The following ODAD2 variants were observed in gnomAD, a reference collection of about 807,000 sequenced individuals.
ODAD2 encodes outer dynein arm docking complex subunit 2, also known as outer dynein arm-docking complex subunit 2.
In ODAD2, 89 loss-of-function variants were observed where a neutral mutation model predicts 106.8. That is an observed-to-expected ratio of 0.83 (90% CI 0.70 to 0.99). The LOEUF (loss-of-function observed/expected upper bound fraction) is 0.99. Among genes scored for constraint, ODAD2 ranks in the 50% least tolerant of loss-of-function variants. The pLI is 0.00. For missense variants in ODAD2, 1,168 were observed against 1,238.5 expected, an observed-to-expected ratio of 0.94 and a Z score of 0.85; for synonymous variants, 404 against 436.2, an observed-to-expected ratio of 0.93 and a Z score of 0.92.
At chr10:27,825,524 G>A (rs567415152) in intron 19 of ODAD2, among the ~76,000 whole-genome samples, 99 of 152,308 alleles carry the variant, frequency 6.5e-4, no homozygotes, top group African/African-American at 2.2e-3. Flanking sequence ...CAATGTATAT[G>A]TCCTTCCATC....
chr10:27,946,164 T>C (rs891781711), intron 10 of ODAD2, among the ~76,000 whole-genome samples: 7 of 148,256 alleles, frequency 4.7e-5, no homozygotes, highest in Admixed American at 1.4e-4. Flanking sequence ...CTACATTATG[T>C]TTATATATAA....
chr10:27,891,660 C>T (rs1842573813), intron 17 of ODAD2, among the ~76,000 whole-genome samples: 3 of 150,410 alleles, frequency 2.0e-5, no homozygotes, highest in Non-Finnish European at 4.4e-5. Context: ...TATAGTTGAA[C>T]ATCTTTTTTT....
chr10:27,867,675 T>A (rs1428149579), intron 17 of ODAD2, among the ~76,000 whole-genome samples: 1 of 152,074 alleles, frequency 6.6e-6, no homozygotes, highest in Non-Finnish European at 1.5e-5. Context: ...AAGGGCTGGG[T>A]GCAGTGGCTC....
intron 16 of ODAD2, among the ~76,000 whole-genome samples, chr10:27,934,272 G>T (rs1403849614): frequency 6.6e-6 from 1 of 151,704 alleles, no homozygotes; most frequent in Admixed American, 6.6e-5. Flanking sequence ...GGACTAATAC[G>T]CTTACCTCCC....
At chr10:27,830,278 C>T (rs1032290953) in intron 19 of ODAD2, among the ~76,000 whole-genome samples, 3 of 152,220 alleles carry the variant, frequency 2.0e-5, no homozygotes, top group Non-Finnish European at 2.9e-5. Context: ...CAGTAGCCTC[C>T]TCATGTTCCA....
chr10:27,989,592 G>C (rs949942561), intron 2 of ODAD2, among the ~76,000 whole-genome samples: 1 of 152,202 alleles, frequency 6.6e-6, no homozygotes, highest in African/African-American at 2.4e-5. Flanking sequence ...ACTAGAGAGA[G>C]TGAAACTCCT....
intron 10 of ODAD2, chr10:27,957,184 G>C (rs1847793671): frequency 6.6e-6 from 1 of 152,170 alleles, no homozygotes; most frequent in Non-Finnish European, 1.5e-5. Flanking sequence ...CAATCAACTA[G>C]TATGTCTACA....
intron 17 of ODAD2, among the ~76,000 whole-genome samples, chr10:27,890,983 C>A (rs556113774): frequency 2.6e-5 from 4 of 152,060 alleles, no homozygotes; most frequent in Non-Finnish European, 5.9e-5. Flanking sequence ...TGTCATACAG[C>A]GATATATTCG....
At chr10:27,951,894 G>A (rs189130589) in intron 10 of ODAD2, among the ~76,000 whole-genome samples, 114 of 151,810 alleles carry the variant, frequency 7.5e-4, no homozygotes, top group African/African-American at 2.6e-3. Flanking sequence ...GACCAATATG[G>A]TGAAACCCCA....
chr10:27,924,025 GGAAA>G (rs1564509534), intron 16 of ODAD2, among the ~76,000 whole-genome samples: 4 of 59,924 alleles, frequency 6.7e-5, no homozygotes, highest in Non-Finnish European at 1.4e-4. Context: ...AAAGAAAGAA[GGAAA>G]GAGAAAGAAA....
Position 27,839,559 on chromosome 10 carries a change from T to C in ODAD2, c.3021+21066A>G, listed in dbSNP as rs59779726. 1.6e-3 allele frequency among the ~76,000 whole-genome samples: 251 copies of C among 152,314 alleles called. 2 individuals carry two copies. The highest frequency in any genetic ancestry group is 0.01 in the East Asian group (54 of 5,186). On this transcript the variant is annotated intron_variant, in intron 19 of 19. Coordinates refer to ENST00000305242, the MANE Select transcript of ODAD2 (RefSeq NM_018076.5). ...GCTGACAGTGACTTGGAAATATTATTGTTACTAATGTTATTTGCCATCTAG... is the reference window on the plus strand; with the variant it reads ...GCTGACAGTGACTTGGAAATATTATCGTTACTAATGTTATTTGCCATCTAG...
chr10:27,936,770 T>C lies in ODAD2; in HGVS notation c.2208A>G (p.Thr736=), dbSNP rs757741852. 1.2e-5 allele frequency: 20 copies of C among 1,613,968 alleles called. 1 individual carries two copies. The highest frequency in any genetic ancestry group is 3.3e-4 in the Middle Eastern group (2 of 6,080). The stretch of plus-strand genomic sequence containing the variant: ...TGATGGAACATTTCCATATAGCCCC[T>C]GTGACAGCAGCTAACCGCTCTTTAT... ...TDNKERLAAV[T]GAIWKCSISK... Residue 736 remains threonine, a synonymous_variant, in exon 15 of 20, where the codon ACA becomes ACG. Coordinates refer to ENST00000305242, the MANE Select transcript of ODAD2 (RefSeq NM_018076.5).
chr10:27,906,659 T>C (rs964460621), intron 17 of ODAD2, among the ~76,000 whole-genome samples: 2 of 152,212 alleles, frequency 1.3e-5, no homozygotes, highest in Non-Finnish European at 2.9e-5. Context: ...GTGGCATTTA[T>C]ACACCATGGA....
chr10:27,888,784 G>C (rs1333061457), intron 17 of ODAD2, among the ~76,000 whole-genome samples: 5 of 152,100 alleles, frequency 3.3e-5, no homozygotes, highest in Non-Finnish European at 7.4e-5. Flanking sequence ...CTTTCAACAA[G>C]GGTGTCAAAA....
At chr10:27,854,159 T>C (rs975476148) in intron 19 of ODAD2, among the ~76,000 whole-genome samples, 1 of 152,078 alleles carries the variant, frequency 6.6e-6, no homozygotes, top group Non-Finnish European at 1.5e-5. Flanking sequence ...AAAATTGAAA[T>C]TGAAATCATA....
In ODAD2 at chr10:27,812,499, G is replaced by T. The variant is rs1835814785; in HGVS notation, c.*13C>A. 5 of 1,611,332 alleles carry T rather than the reference G, an allele frequency of 3.1e-6. No individual in the cohort carries two copies. The East Asian group carries it at 1.1e-4, about 36-fold the overall frequency. On this transcript the variant is annotated 3_prime_UTR_variant, in exon 20 of 20. Coordinates refer to ENST00000305242, the MANE Select transcript of ODAD2 (RefSeq NM_018076.5). ...CATGTAGAATTTGATAGCTTGTAAT[G>T]TCCATTTAAATTTCAAGTGTATCTT...
chr10:27,838,664 C>G (rs1035425003), intron 19 of ODAD2, among the ~76,000 whole-genome samples: 3 of 152,206 alleles, frequency 2.0e-5, no homozygotes, highest in African/African-American at 7.2e-5. Flanking sequence ...TAGCATCTGC[C>G]AGATTCCTCG....
chr10:27,908,780 A>C (rs371844409), intron 16 of ODAD2, among the ~76,000 whole-genome samples: 1 of 152,164 alleles, frequency 6.6e-6, no homozygotes, highest in Non-Finnish European at 1.5e-5. Context: ...GTATTATTCC[A>C]AAGTTTTCAA....
Position 27,869,602 on chromosome 10 carries a change from T to C in ODAD2, c.2611-6980A>G, listed in dbSNP as rs181889171. On this transcript the variant is annotated intron_variant, in intron 17 of 19. Transcript: ENST00000305242. The stretch of plus-strand genomic sequence containing the variant: ...CAGGCTGGAGTGAATTGGCACGATC[T>C]TGGCTCACTGCAACTTCCGCCCCCT... Among the ~76,000 whole-genome samples the C allele has an allele frequency of 1.4e-3, 206 of 152,022 alleles. 1 individual carries two copies. Among genetic ancestry groups the C allele is most frequent in the Non-Finnish European group, 1.1e-3 (76 of 67,962 alleles).
Sources: gnomAD v4.1 joint callset for allele counts (sites outside exome capture counted in the v4.1 genomes callset) on GRCh38, gnomAD v4.1.1 for gene constraint, MANE v1.5 for transcripts, NCBI Gene and HGNC (gene_info 2026-07-23, HGNC 2026-07-21) for gene names.